Variants in NDUFAF2 observed in about 807,000 individuals in gnomAD.
NDUFAF2 encodes the protein NADH dehydrogenase [ubiquinone] 1 alpha subcomplex assembly factor 2.
Under a neutral mutation model 22.8 loss-of-function variants are expected in NDUFAF2, and 13 were observed. The observed-to-expected ratio is 0.57, with a 90% CI of 0.37 to 0.91. NDUFAF2 has a LOEUF of 0.91. NDUFAF2 is among the 40% of genes least tolerant of loss of function. NDUFAF2 has a pLI of 0.01. For synonymous variants in NDUFAF2, 53 were observed against 64.2 expected (o/e 0.83, Z 0.84); for missense variants, 162 against 195.2 (o/e 0.83, Z 1.01).
At chr5:61,043,868 C>A (rs556159961) in intron 1 of NDUFAF2, among the ~76,000 whole-genome samples, 3 of 152,200 alleles carry the variant, frequency 2.0e-5, no homozygotes, top group Admixed American at 6.5e-5. Flanking sequence ...GGATATATAA[C>A]CAGTAGTGGG....
chr5:61,106,053 G>C (rs760096707), intron 3 of NDUFAF2, among the ~76,000 whole-genome samples: 3 of 151,378 alleles, frequency 2.0e-5, no homozygotes, highest in Non-Finnish European at 2.9e-5. Context: ...TTAAAAATCC[G>C]TTTAAGAAGC....
At chr5:61,111,137 T>C (rs1054216488) in intron 3 of NDUFAF2, among the ~76,000 whole-genome samples, 5 of 152,204 alleles carry the variant, frequency 3.3e-5, no homozygotes, top group African/African-American at 1.2e-4. Context: ...TTCCTCTAGC[T>C]ATTGATTTCT....
At chr5:61,007,870 C>T (rs1204648063) in intron 1 of NDUFAF2, among the ~76,000 whole-genome samples, 1 of 152,018 alleles carries the variant, frequency 6.6e-6, no homozygotes, top group Non-Finnish European at 1.5e-5. Context: ...TATTGCGGCA[C>T]TATTCACAAT....
intron 2 of NDUFAF2, among the ~76,000 whole-genome samples, chr5:61,089,576 C>CA (rs1335540420): frequency 6.6e-6 from 1 of 152,084 alleles, no homozygotes; most frequent in Admixed American, 6.6e-5. Flanking sequence ...GTAGTGGCAT[C>CA]ACTCATCATC....
chr5:61,093,628 A>C (rs2111759192), intron 2 of NDUFAF2, among the ~76,000 whole-genome samples: 1 of 152,284 alleles, frequency 6.6e-6, no homozygotes, highest in South Asian at 2.1e-4. Flanking sequence ...GTGGTGGATA[A>C]GCTTTTTGAT....
intron 1 of NDUFAF2, among the ~76,000 whole-genome samples, chr5:60,961,954 C>T (rs990910112): frequency 6.7e-6 from 1 of 150,284 alleles, no homozygotes; most frequent in Non-Finnish European, 1.5e-5. Context: ...CAGCAAGACT[C>T]TTTCTCTAAA....
intron 3 of NDUFAF2, among the ~76,000 whole-genome samples, chr5:61,109,449 A>G (rs551984802): frequency 6.6e-6 from 1 of 152,144 alleles, no homozygotes; most frequent in Admixed American, 6.6e-5. Context: ...ATTTCTTTCT[A>G]TTGTCTGATT....
At chr5:61,121,852 T>G (rs78309948) in intron 3 of NDUFAF2, among the ~76,000 whole-genome samples, 1 of 151,122 alleles carries the variant, frequency 6.6e-6, no homozygotes, top group South Asian at 2.1e-4. Context: ...TTTTTTTTTT[T>G]GACAGTCTTG....
At chr5:61,131,418 C>G (rs1184383945) in intron 3 of NDUFAF2, among the ~76,000 whole-genome samples, 1 of 151,918 alleles carries the variant, frequency 6.6e-6, no homozygotes, top group Non-Finnish European at 1.5e-5. Flanking sequence ...CTTTGTTGCC[C>G]AAAATGGATG....
At chr5:60,953,017 A>G (rs1750568680) in intron 1 of NDUFAF2, among the ~76,000 whole-genome samples, 1 of 152,170 alleles carries the variant, frequency 6.6e-6, no homozygotes. Flanking sequence ...ATTGGATACC[A>G]TGAGGGGTAA....
At chr5:60,992,711 T>C (rs1751176871) in intron 1 of NDUFAF2, among the ~76,000 whole-genome samples, 1 of 152,236 alleles carries the variant, frequency 6.6e-6, no homozygotes, top group Admixed American at 6.5e-5. Context: ...TAGGAAGCTC[T>C]GGTATTGATG....
intron 1 of NDUFAF2, among the ~76,000 whole-genome samples, chr5:61,016,293 C>T (rs1751510151): frequency 6.6e-6 from 1 of 151,782 alleles, no homozygotes. Flanking sequence ...CAAAAAGGAC[C>T]AAAGGCGGCA....
At chr5:61,104,167 C>T (rs73759472) in intron 3 of NDUFAF2, among the ~76,000 whole-genome samples, 5,112 of 152,132 alleles carry the variant, frequency 0.034, 320 homozygotes, top group African/African-American at 0.12. Flanking sequence ...GGTAATAGTT[C>T]AGCATGTGTT....
chr5:60,983,913 G>C (rs1751029219), intron 1 of NDUFAF2, among the ~76,000 whole-genome samples: 1 of 152,138 alleles, frequency 6.6e-6, no homozygotes, highest in African/African-American at 2.4e-5. Flanking sequence ...GAACTTTAAA[G>C]TAGTTTTTTC....
At chr5:61,099,127 G>T in intron 3 of NDUFAF2, 95 bp downstream of exon 3, 2 of 727,992 alleles carry the variant, frequency 2.7e-6, no homozygotes, top group South Asian at 3.0e-5. Flanking sequence ...TCAAAGTGTT[G>T]ATTTTATTCC....
intron 3 of NDUFAF2, among the ~76,000 whole-genome samples, chr5:61,148,598 T>C (rs1423886656): frequency 6.6e-6 from 1 of 152,208 alleles, no homozygotes. Flanking sequence ...AAGACAACAT[T>C]ATCTCCATTT....
intron 1 of NDUFAF2, among the ~76,000 whole-genome samples, chr5:61,034,732 G>A (rs558716991): frequency 6.6e-6 from 1 of 152,222 alleles, no homozygotes; most frequent in Admixed American, 6.5e-5. Flanking sequence ...TTCAAACTAT[G>A]AAAGGAACAC....
At chr5:61,056,742 G>T (rs1752096130) in intron 1 of NDUFAF2, among the ~76,000 whole-genome samples, 1 of 150,826 alleles carries the variant, frequency 6.6e-6, no homozygotes, top group Admixed American at 6.6e-5. Flanking sequence ...ACAAACATTA[G>T]CTGGGCATGG....
At chr5:61,088,628 C>T (rs914132589) in intron 2 of NDUFAF2, among the ~76,000 whole-genome samples, 1 of 152,078 alleles carries the variant, frequency 6.6e-6, no homozygotes, top group Non-Finnish European at 1.5e-5. Context: ...AGAGAAAAGA[C>T]AGTAATAGCC....
Sources: allele counts gnomAD v4.1 joint callset (sites outside exome capture counted in the v4.1 genomes callset), GRCh38; gene constraint gnomAD v4.1.1; transcripts MANE v1.5; gene names NCBI Gene and HGNC (gene_info 2026-07-23, HGNC 2026-07-21).